PRDM2: variants seen among roughly 807,000 people sequenced by gnomAD.
PRDM2 encodes PR domain zinc finger protein 2.
In PRDM2, 30 loss-of-function variants were observed where a neutral mutation model predicts 130.0. The observed-to-expected ratio is 0.23, with a 90% CI of 0.17 to 0.31. The LOEUF (loss-of-function observed/expected upper bound fraction) is 0.31, where lower values mean the gene tolerates loss of function less well. Ranked by LOEUF, PRDM2 falls within the 10% of genes least tolerant of loss-of-function variation. The pLI, the probability that PRDM2 is intolerant of heterozygous loss-of-function variation, is 1.00. For missense variants in PRDM2, 2,011 were observed against 2,108.4 expected (o/e 0.95, Z 0.90); for synonymous variants, 871 against 782.4 (o/e 1.11, Z -1.89).
At chr1:13,789,554 A>G (rs1303487819) in intron 8 of PRDM2, among the ~76,000 whole-genome samples, 2 of 152,184 alleles carry the variant, frequency 1.3e-5, no homozygotes, top group African/African-American at 2.4e-5. Context: ...AGATGCTTCT[A>G]GCTTAATATC....
At chr1:13,703,905 G>A (rs1642135297) in intron 1 of PRDM2, among the ~76,000 whole-genome samples, 1 of 152,178 alleles carries the variant, frequency 6.6e-6, no homozygotes, top group African/African-American at 2.4e-5. Flanking sequence ...TTTGCCCTGA[G>A]GCAATAAGGC....
chr1:13,773,352 A>G (rs1289741207), intron 7 of PRDM2, 164 bp downstream of exon 7: 1 of 418,160 alleles, frequency 2.4e-6, no homozygotes, highest in Non-Finnish European at 4.4e-6. Context: ...AGCCTTCTAT[A>G]TGCTACCTTC....
chr1:13,765,461 G>A, intron 6 of PRDM2, among the ~76,000 whole-genome samples: 1 of 151,730 alleles, frequency 6.6e-6, no homozygotes, highest in East Asian at 1.9e-4. Flanking sequence ...GCATCACTTG[G>A]CTATTCTTTT....
chr1:13,823,321 G>A lies in PRDM2; in HGVS notation c.*186G>A, dbSNP rs1401172200. On this transcript the variant is annotated 3_prime_UTR_variant, in exon 10 of 10. Coordinates refer to ENST00000311066, the MANE Select transcript of PRDM2 (RefSeq NM_001393986.1). ...TGTTCACGTGTTCTCGTGCGGGCGC[G>A]TGAGTGGTCTTCAAACGAGGGTCCC... 1.5e-5 allele frequency: 16 copies of A among 1,060,464 alleles called. No homozygotes were observed. Among genetic ancestry groups the A allele is most frequent in the South Asian group, 2.8e-5 (2 of 72,236 alleles). 65.7% of individuals were successfully genotyped at this position (1,060,464 alleles called of 1,614,324 possible).
chr1:13,764,683 G>T (rs978014971), intron 6 of PRDM2, among the ~76,000 whole-genome samples: 1 of 152,238 alleles, frequency 6.6e-6, no homozygotes, highest in African/African-American at 2.4e-5. Context: ...AGCTGCAGAG[G>T]CTGTGCAACA....
chr1:13,800,692 A>G (rs1346793802), intron 8 of PRDM2, among the ~76,000 whole-genome samples: 2 of 152,224 alleles, frequency 1.3e-5, no homozygotes, highest in Admixed American at 6.5e-5. Flanking sequence ...GTTGATGAAC[A>G]CACACACATC....
intron 4 of PRDM2, among the ~76,000 whole-genome samples, chr1:13,739,963 G>A (rs778398278): frequency 9.2e-5 from 14 of 152,110 alleles, no homozygotes; most frequent in Non-Finnish European, 1.9e-4. Flanking sequence ...AGTATTATGA[G>A]GTTTTGGCTA....
chr1:13,806,950 C>A lies in PRDM2; in HGVS notation c.5037-9477C>A, dbSNP rs565733483. Among the ~76,000 whole-genome samples the A allele has an allele frequency of 6.6e-6, 1 of 152,210 alleles. No individual in the cohort carries two copies. Among genetic ancestry groups the A allele is most frequent in the Non-Finnish European group, 1.5e-5 (1 of 68,036 alleles). The stretch of plus-strand genomic sequence containing the variant: ...TAGTATCCGGACCGATTGATCCCCC[C>A]ACCCCAGGTCGTAGCCCACACACTG... On this transcript the variant is annotated intron_variant, in intron 8 of 9. Transcript: ENST00000311066. The surrounding 1 kb of genome is among the most constrained non-coding windows in gnomAD (Gnocchi z 4.1).
At chr1:13,804,087 T>G (rs758217644) in intron 8 of PRDM2, among the ~76,000 whole-genome samples, 1 of 152,160 alleles carries the variant, frequency 6.6e-6, no homozygotes, top group Non-Finnish European at 1.5e-5. Context: ...TTACTTAACC[T>G]CTCTGTGTTG....
chr1:13,732,632 A>T (rs1216075034), intron 3 of PRDM2, 147 bp from the exon 4 acceptor site: 2 of 566,426 alleles, frequency 3.5e-6, no homozygotes, highest in Non-Finnish European at 6.1e-6. Flanking sequence ...ACTTGACTTA[A>T]TTTAACTTGA....
At chr1:13,716,861 AT>A (rs527934965) in intron 2 of PRDM2, among the ~76,000 whole-genome samples, 84 of 150,412 alleles carry the variant, frequency 5.6e-4, no homozygotes, top group South Asian at 2.1e-3. Context: ...GAAGTATGTA[AT>A]TTTTTTTTTA....
intron 8 of PRDM2, among the ~76,000 whole-genome samples, chr1:13,814,237 CGTCAGGAGCACAGTT>C (rs1415251722): frequency 1.3e-5 from 2 of 152,154 alleles, no homozygotes; most frequent in African/African-American, 4.8e-5. Context: ...CTTGGTGGCC[CGTCAGGAGCACAGTT>C]GTATGAAGCA....
rs1289083963 is a variant in PRDM2 at position 13,816,495 on chromosome 1, A to G, written c.5105A>G (p.Lys1702Arg). 1 of 1,614,148 alleles carries G rather than the reference A, an allele frequency of 6.2e-7. No homozygotes were observed. Among genetic ancestry groups the G allele is most frequent in the East Asian group, 2.2e-5 (1 of 44,882 alleles). The change falls in exon 9 of 10, where the codon AAG (lysine) becomes AGG (arginine). Residue 1702 changes from lysine to arginine, a missense_variant. Transcript: ENST00000311066. ...CCGTACATCACCAGGCAGTATAGGA[A>G]GGTCAAAGCTCCAGCTGCAGCCCAG... ...AAPYITRQYR[K>R]VKAPAAAQFQ...
At position 13,823,552 on chromosome 1, in the gene PRDM2, G is replaced by A. The variant is rs1299364855; in HGVS notation, c.*417G>A. 4.1e-6 allele frequency: 1 copy of A among 245,198 alleles called. No homozygotes were observed. Among genetic ancestry groups the A allele is most frequent in the Non-Finnish European group, 8.0e-6 (1 of 125,192 alleles). The allele number at this position is 245,198 out of a possible 1,614,324, so 15.2% of individuals were successfully genotyped here. A position where few individuals can be genotyped will look rare whatever the true frequency, so the allele number is the denominator to read the frequency against. On this transcript the variant is annotated 3_prime_UTR_variant, in exon 10 of 10. Coordinates refer to ENST00000311066, the MANE Select transcript of PRDM2 (RefSeq NM_001393986.1). ...ATTATGGGGACTTTGGTTTGACCCA[G>A]GGGTCAGCCTTAGGAAGGCCTTCAG...
chr1:13,786,279 A>G (rs1440170255), intron 8 of PRDM2, among the ~76,000 whole-genome samples: 1 of 152,218 alleles, frequency 6.6e-6, no homozygotes, highest in Non-Finnish European at 1.5e-5. Context: ...TTTAAAAAAA[A>G]AAGTGCTAAT....
rs1210738282 is a variant in PRDM2 at position 13,816,433 on chromosome 1, C to T, written c.5043C>T (p.Ser1681=). Residue 1681 remains serine (S), a synonymous_variant, in exon 9 of 10, where the codon AGC becomes AGT. Transcript: ENST00000311066. Reference sequence around the variant, plus strand: ...TGTTCCTCTTCCTGCACAGCTACAGCCTCCGCTTGGCGTCCCGATGCTCTC... The same window carrying T: ...TGTTCCTCTTCCTGCACAGCTACAGTCTCCGCTTGGCGTCCCGATGCTCTC... ...AKQELKDFSY[S]LRLASRCSPP... The T allele has an allele frequency of 1.2e-6, 2 of 1,614,126 alleles. No individual in the cohort carries two copies. Among genetic ancestry groups the T allele is most frequent in the East Asian group, 2.2e-5 (1 of 44,890 alleles).
intron 8 of PRDM2, among the ~76,000 whole-genome samples, chr1:13,785,435 T>C (rs1644714199): frequency 6.6e-6 from 1 of 152,218 alleles, no homozygotes; most frequent in African/African-American, 2.4e-5. Flanking sequence ...TACATGTGAA[T>C]GCCACTTTCG....
At chr1:13,802,030 C>G (rs993742860) in intron 8 of PRDM2, among the ~76,000 whole-genome samples, 1 of 152,226 alleles carries the variant, frequency 6.6e-6, no homozygotes, top group Non-Finnish European at 1.5e-5. Flanking sequence ...GTAGATTGAG[C>G]TGTCCCGTCC....
intron 8 of PRDM2, among the ~76,000 whole-genome samples, chr1:13,784,459 A>G (rs1644692930): frequency 6.6e-6 from 1 of 152,230 alleles, no homozygotes; most frequent in African/African-American, 2.4e-5. Flanking sequence ...AGTATTATCT[A>G]AAAGAAATGC....
Sources: gnomAD v4.1 joint callset for allele counts (sites outside exome capture counted in the v4.1 genomes callset) on GRCh38, gnomAD v4.1.1 for gene constraint, Gnocchi (gnomAD v3.1) non-coding constraint, MANE v1.5 for transcripts, NCBI Gene and HGNC (gene_info 2026-07-23, HGNC 2026-07-21) for gene names.